The following CDH18 variants were observed in gnomAD, a reference collection of about 807,000 sequenced individuals.
CDH18 encodes the protein cadherin-18.
Under a neutral mutation model 67.9 loss-of-function variants are expected in CDH18, and 31 were observed. The observed-to-expected ratio is 0.46, with a 90% CI of 0.34 to 0.62. The LOEUF (loss-of-function observed/expected upper bound fraction) is 0.62. Among genes scored for constraint, CDH18 ranks in the 20% least tolerant of loss-of-function variants. The pLI is 0.01. For synonymous variants in CDH18, 362 were observed against 347.2 expected (o/e 1.04, Z -0.48); for missense variants, 890 against 975.5 (o/e 0.91, Z 1.17).
At chr5:20,009,719 A>T (rs1737234652) in intron 2 of CDH18, among the ~76,000 whole-genome samples, 1 of 152,162 alleles carries the variant, frequency 6.6e-6, no homozygotes, top group African/African-American at 2.4e-5. Context: ...ATTTAATGGA[A>T]TCAGACTAGG....
chr5:20,204,456 T>C lies in CDH18; in HGVS notation c.-518+50988A>G, dbSNP rs139208428. Among the ~76,000 whole-genome samples the C allele has an allele frequency of 2.0e-3, 310 of 151,942 alleles. 3 individuals carry two copies. Among genetic ancestry groups the C allele is most frequent in the African/African-American group, 7.0e-3 (290 of 41,478 alleles). On this transcript the variant is annotated intron_variant, in intron 2 of 14. Transcript: ENST00000507958. ...TTTTCCCAAACAATACCTGAGAGAA[T>C]TAATGAACCACAGGACCTATTTTAC...
intron 2 of CDH18, among the ~76,000 whole-genome samples, chr5:19,940,431 C>T (rs1794696870): frequency 6.6e-6 from 1 of 151,906 alleles, no homozygotes; most frequent in African/African-American, 2.4e-5. Context: ...GCTCATTCTC[C>T]ACACATCAGC....
At chr5:19,473,943 G>C (rs1443537229) in intron 12 of CDH18, among the ~76,000 whole-genome samples, 1 of 152,074 alleles carries the variant, frequency 6.6e-6, no homozygotes, top group Non-Finnish European at 1.5e-5. Flanking sequence ...GCGAATTGCT[G>C]ATCTTCTATA....
Position 20,569,671 on chromosome 5 carries a change from A to G in CDH18, c.-580+5791T>C, listed in dbSNP as rs140463983. ...ACCATATAATCCAGAAATCATGCTCATTGGTATTTACCCAAATGAGTTGAA... is the reference window on the plus strand; with the variant it reads ...ACCATATAATCCAGAAATCATGCTCGTTGGTATTTACCCAAATGAGTTGAA... On this transcript the variant is annotated intron_variant, in intron 1 of 14. Transcript: ENST00000507958. 2.9e-3 allele frequency among the ~76,000 whole-genome samples: 448 copies of G among 152,298 alleles called. 4 individuals carry two copies. Among genetic ancestry groups the G allele is most frequent in the African/African-American group, 0.01 (418 of 41,562 alleles).
intron 2 of CDH18, among the ~76,000 whole-genome samples, chr5:20,184,858 G>A (rs1737968288): frequency 6.6e-6 from 1 of 152,000 alleles, no homozygotes; most frequent in Admixed American, 6.6e-5. Context: ...TTAACTAGGT[G>A]TATAATCTCC....
At chr5:19,921,880 A>G (rs901603286) in intron 2 of CDH18, among the ~76,000 whole-genome samples, 6 of 152,182 alleles carry the variant, frequency 3.9e-5, no homozygotes, top group Non-Finnish European at 7.3e-5. Context: ...ATCACTAGAT[A>G]CAACCCATAT....
At chr5:19,800,383 T>A (rs1191410469) in intron 3 of CDH18, among the ~76,000 whole-genome samples, 2 of 152,136 alleles carry the variant, frequency 1.3e-5, no homozygotes, top group Non-Finnish European at 1.5e-5. Flanking sequence ...ATGTATGTAA[T>A]TTTTTTAAGA....
At chr5:20,567,484 T>C (rs567178820) in intron 1 of CDH18, among the ~76,000 whole-genome samples, 1 of 151,040 alleles carries the variant, frequency 6.6e-6, no homozygotes, top group Non-Finnish European at 1.5e-5. Context: ...CTGTAACCAA[T>C]GAGGTTTGGC....
intron 2 of CDH18, among the ~76,000 whole-genome samples, chr5:20,231,846 T>C (rs1742101398): frequency 6.6e-6 from 1 of 152,088 alleles, no homozygotes; most frequent in Non-Finnish European, 1.5e-5. Flanking sequence ...TCTTTTTCAA[T>C]ATCGTAATTT....
intron 5 of CDH18, among the ~76,000 whole-genome samples, chr5:19,706,239 T>A (rs1763939997): frequency 6.6e-6 from 1 of 152,222 alleles, no homozygotes; most frequent in African/African-American, 2.4e-5. Flanking sequence ...TGTACCCTTT[T>A]ACATCACTCA....
At chr5:19,550,510 G>A (rs576305721) in intron 8 of CDH18, among the ~76,000 whole-genome samples, 5 of 151,646 alleles carry the variant, frequency 3.3e-5, no homozygotes, top group African/African-American at 4.9e-5. Flanking sequence ...AAGAACATGC[G>A]GTGTTTGGTT....
chr5:19,781,908 A>T (rs2149784374), intron 3 of CDH18, among the ~76,000 whole-genome samples: 1 of 152,302 alleles, frequency 6.6e-6, no homozygotes, highest in East Asian at 1.9e-4. Context: ...TATGGATATC[A>T]TATTTCTATT....
At chr5:19,883,296 T>C (rs138626593) in intron 2 of CDH18, among the ~76,000 whole-genome samples, 4 of 152,196 alleles carry the variant, frequency 2.6e-5, no homozygotes, top group Non-Finnish European at 4.4e-5. Context: ...AAACGAAGAT[T>C]GAGTTCAAAT....
At chr5:20,520,870 T>C (rs1755703045) in intron 1 of CDH18, among the ~76,000 whole-genome samples, 1 of 152,196 alleles carries the variant, frequency 6.6e-6, no homozygotes, top group African/African-American at 2.4e-5. Flanking sequence ...CATCAACATG[T>C]AGACTGAGCC....
At chr5:20,358,932 CTTT>C (rs66786530) in intron 1 of CDH18, among the ~76,000 whole-genome samples, 7 of 128,154 alleles carry the variant, frequency 5.5e-5, no homozygotes, top group African/African-American at 9.0e-5. Context: ...TTTTTTCTTT[CTTT>C]TTTTTTTTTT....
intron 1 of CDH18, among the ~76,000 whole-genome samples, chr5:20,524,123 C>G (rs17234841): frequency 0.4 from 60,305 of 152,084 alleles, 13,381 homozygotes; most frequent in East Asian, 0.56. Context: ...TTGTTACTCA[C>G]ATTCACATAG....
intron 2 of CDH18, among the ~76,000 whole-genome samples, chr5:20,209,154 A>G (rs1357299972): frequency 6.6e-6 from 1 of 152,092 alleles, no homozygotes; most frequent in Non-Finnish European, 1.5e-5. Context: ...CTGTTGGTAG[A>G]AAGGTAAATG....
chr5:19,993,979 A>G (rs1800128991), intron 2 of CDH18, among the ~76,000 whole-genome samples: 1 of 152,170 alleles, frequency 6.6e-6, no homozygotes, highest in African/African-American at 2.4e-5. Flanking sequence ...TTGGCAGACT[A>G]TTAAAAGTAT....
chr5:20,110,133 G>T (rs1311223191), intron 2 of CDH18, among the ~76,000 whole-genome samples: 2 of 152,134 alleles, frequency 1.3e-5, no homozygotes. Flanking sequence ...GCATTTTTCA[G>T]GTCTGAAGCT....
Sources: gnomAD v4.1 joint callset for allele counts (sites outside exome capture counted in the v4.1 genomes callset) on GRCh38, gnomAD v4.1.1 for gene constraint, MANE v1.5 for transcripts, NCBI Gene and HGNC (gene_info 2026-07-23, HGNC 2026-07-21) for gene names.